Variants in PTPRD observed in about 807,000 individuals in gnomAD.
PTPRD encodes the protein protein tyrosine phosphatase receptor type D.
PTPRD carries 34 observed loss-of-function variants against 214.5 expected under a neutral mutation model. That is an observed-to-expected ratio of 0.16 (90% CI 0.12 to 0.21). The LOEUF (loss-of-function observed/expected upper bound fraction) is 0.21. Among genes scored for constraint, PTPRD ranks in the 10% least tolerant of loss-of-function variants. PTPRD has a pLI of 1.00. For missense variants in PTPRD, 2,545 were observed against 2,398.7 expected (o/e 1.06, Z -1.27); for synonymous variants, 1,128 against 845.7 (o/e 1.33, Z -5.79).
At chr9:10,373,007 A>G (rs995559221) in intron 2 of PTPRD, among the ~76,000 whole-genome samples, 4 of 151,420 alleles carry the variant, frequency 2.6e-5, no homozygotes, top group African/African-American at 9.7e-5. Flanking sequence ...TAATTTTTGT[A>G]TTTTTAGTAG....
chr9:8,384,192 C>T (rs560337167), intron 37 of PTPRD, among the ~76,000 whole-genome samples: 5 of 152,282 alleles, frequency 3.3e-5, no homozygotes, highest in Admixed American at 2.0e-4. Flanking sequence ...GAAATCCCAG[C>T]TGTATACATT....
chr9:9,383,775 G>A (rs1332719175), intron 9 of PTPRD, among the ~76,000 whole-genome samples: 2 of 151,982 alleles, frequency 1.3e-5, no homozygotes, highest in East Asian at 1.9e-4. Context: ...TCTCCCTTAC[G>A]CTAAAATTCC....
At position 8,315,948 on chromosome 9, in the gene PTPRD, A is replaced by G. The variant is rs1332352108; in HGVS notation, c.*1926T>C. The G allele has an allele frequency of 4.4e-6, 1 of 226,246 alleles. No individual in the cohort carries two copies. The highest frequency in any genetic ancestry group is 8.8e-6 in the Non-Finnish European group (1 of 113,720). The allele number at this position is 226,246 out of a possible 1,614,324, so 14.0% of individuals were successfully genotyped here. A position where few individuals can be genotyped will look rare whatever the true frequency, so the allele number is the denominator to read the frequency against. ...AATTGGGGGTAAGATACATATATAT[A>G]TATAGTTTATTTCCCCTTTTAGAAA... On this transcript the variant is annotated 3_prime_UTR_variant, in exon 46 of 46. Coordinates refer to ENST00000381196, the MANE Select transcript of PTPRD (RefSeq NM_002839.4).
At chr9:8,623,980 T>G (rs984118216) in intron 14 of PTPRD, among the ~76,000 whole-genome samples, 3 of 151,974 alleles carry the variant, frequency 2.0e-5, no homozygotes, top group African/African-American at 7.2e-5. Context: ...TTCTTCTGCT[T>G]CTTCTAAAAT....
At chr9:9,684,880 G>A (rs555231106) in intron 7 of PTPRD, among the ~76,000 whole-genome samples, 18 of 151,488 alleles carry the variant, frequency 1.2e-4, no homozygotes, top group African/African-American at 4.1e-4. Flanking sequence ...ATTTATTATT[G>A]ATCCACAGCA....
chr9:10,414,239 G>A (rs760309001), intron 2 of PTPRD, among the ~76,000 whole-genome samples: 1 of 151,578 alleles, frequency 6.6e-6, no homozygotes, highest in Non-Finnish European at 1.5e-5. Flanking sequence ...CGTCTATAGG[G>A]AACTTAAAAT....
At chr9:9,764,643 G>T (rs2098691516) in intron 6 of PTPRD, among the ~76,000 whole-genome samples, 1 of 152,056 alleles carries the variant, frequency 6.6e-6, no homozygotes, top group African/African-American at 2.4e-5. Flanking sequence ...TTACATAACA[G>T]ATATAAGAAA....
At chr9:9,253,965 T>G (rs2131718259) in intron 9 of PTPRD, among the ~76,000 whole-genome samples, 1 of 152,222 alleles carries the variant, frequency 6.6e-6, no homozygotes, top group East Asian at 1.9e-4. Context: ...TCTGGCCACA[T>G]CACTCCAGTG....
rs572000009 is a variant in PTPRD, at chr9:8,477,666, T to G, written c.3413+6453A>C. 3.9e-4 allele frequency among the ~76,000 whole-genome samples: 60 copies of G among 152,328 alleles called. 1 individual carries two copies. Among genetic ancestry groups the G allele is most frequent in the African/African-American group, 1.3e-3 (56 of 41,586 alleles). On this transcript the variant is annotated intron_variant, in intron 30 of 45. Coordinates refer to ENST00000381196, the MANE Select transcript of PTPRD (RefSeq NM_002839.4). ...TTCTCATGGCAACCCACTGACTTTA[T>G]TGCTTCATGACACTAAACACACACT... is the stretch of plus-strand genomic sequence containing the variant.
chr9:9,424,223 T>A (rs901472628), intron 8 of PTPRD, among the ~76,000 whole-genome samples: 2 of 152,228 alleles, frequency 1.3e-5, no homozygotes, highest in Non-Finnish European at 2.9e-5. Context: ...CTTCTCTCTC[T>A]GCCCATTCAG....
chr9:9,195,086 G>GTATATATATATATATATATA lies in PTPRD; in HGVS notation c.-202-11743_-202-11724dup, dbSNP rs540804635. ...CATATATACATATGTGTGTGTTTGT[G>GTATATATATATATATATATA]TATATATATATATATATATATACAC... is the stretch of plus-strand genomic sequence containing the variant. On this transcript the variant is annotated intron_variant, in intron 9 of 45. Transcript: ENST00000381196. Among the ~76,000 whole-genome samples, 1,303 of 130,778 alleles carry GTATATATATATATATATATA rather than the reference G, an allele frequency of 1.0e-2. 7 individuals carry two copies. The highest frequency in any genetic ancestry group is 0.018 in the South Asian group (66 of 3,698). The allele number at this position is 130,778 out of a possible 152,430, so 85.8% of individuals were successfully genotyped here. A position where few individuals can be genotyped will look rare whatever the true frequency, so the allele number is the denominator to read the frequency against.
At chr9:10,239,809 T>C (rs925012731) in intron 3 of PTPRD, among the ~76,000 whole-genome samples, 1 of 151,924 alleles carries the variant, frequency 6.6e-6, no homozygotes, top group Non-Finnish European at 1.5e-5. Flanking sequence ...TTCTCTCTGA[T>C]CTTCTCCCGC....
rs764112681 is a variant in PTPRD at position 8,968,008 on chromosome 9, G to GT, written c.-104+50688dup. 3.3e-3 allele frequency among the ~76,000 whole-genome samples: 499 copies of GT among 151,120 alleles called. 5 individuals carry two copies. The highest frequency in any genetic ancestry group is 5.2e-3 in the African/African-American group (213 of 41,168). ...TATGAGTGAGAACATGTGGTGTTTG[G>GT]TTTTTTTTTCCCTGCGATAGTTTGC... On this transcript the variant is annotated intron_variant, in intron 11 of 45. Coordinates refer to ENST00000381196, the MANE Select transcript of PTPRD (RefSeq NM_002839.4).
chr9:9,993,109 C>G (rs2096005282), intron 4 of PTPRD, among the ~76,000 whole-genome samples: 1 of 152,094 alleles, frequency 6.6e-6, no homozygotes, highest in African/African-American at 2.4e-5. Context: ...CTGGTCCAGC[C>G]TTTACATTCC....
chr9:9,815,845 T>C (rs546548962), intron 5 of PTPRD, among the ~76,000 whole-genome samples: 1 of 152,142 alleles, frequency 6.6e-6, no homozygotes, highest in African/African-American at 2.4e-5. Context: ...TGACTGTAGT[T>C]AGTAACACTG....
At chr9:9,471,069 T>A (rs1199527262) in intron 8 of PTPRD, among the ~76,000 whole-genome samples, 2 of 152,192 alleles carry the variant, frequency 1.3e-5, no homozygotes, top group African/African-American at 4.8e-5. Flanking sequence ...ACAGAACTGA[T>A]AAATCTGTAA....
intron 8 of PTPRD, among the ~76,000 whole-genome samples, chr9:9,521,729 G>T (rs574905562): frequency 6.6e-6 from 1 of 152,152 alleles, no homozygotes; most frequent in Non-Finnish European, 1.5e-5. Context: ...AAAGGAAAAG[G>T]TTAACAAAGT....
intron 3 of PTPRD, among the ~76,000 whole-genome samples, chr9:10,278,347 TCC>T (rs2094852782): frequency 6.6e-6 from 1 of 152,204 alleles, no homozygotes; most frequent in African/African-American, 2.4e-5. Context: ...AATACAGGCT[TCC>T]ACAGCTTTCT....
intron 2 of PTPRD, among the ~76,000 whole-genome samples, chr9:10,466,594 G>A (rs952972096): frequency 7.7e-6 from 1 of 129,056 alleles, no homozygotes; most frequent in African/African-American, 3.1e-5. Flanking sequence ...TTGCACTCCA[G>A]CCTGGGCAAC....
Sources: allele counts gnomAD v4.1 joint callset (sites outside exome capture counted in the v4.1 genomes callset), GRCh38; gene constraint gnomAD v4.1.1; transcripts MANE v1.5; gene names NCBI Gene and HGNC (gene_info 2026-07-23, HGNC 2026-07-21).